The following CNGB1 variants were observed in gnomAD, a reference collection of about 807,000 sequenced individuals.
CNGB1 encodes the protein cyclic nucleotide gated channel subunit beta 1.
Under a neutral mutation model 151.7 loss-of-function variants are expected in CNGB1, and 126 were observed. The observed-to-expected ratio is 0.83, with a 90% CI of 0.72 to 0.96. The LOEUF is 0.96. Ranked by LOEUF, CNGB1 falls within the 40% of genes least tolerant of loss-of-function variation. CNGB1 has a pLI of 0.00. For missense variants in CNGB1, 1,698 were observed against 1,627.0 expected, an observed-to-expected ratio of 1.04 and a Z score of -0.75; for synonymous variants, 623 against 635.1, an observed-to-expected ratio of 0.98 and a Z score of 0.29.
intron 31 of CNGB1, among the ~76,000 whole-genome samples, chr16:57,889,670 C>T (rs535575774): frequency 2.0e-5 from 3 of 152,192 alleles, no homozygotes; most frequent in Non-Finnish European, 4.4e-5. Context: ...ACAACAATCC[C>T]CATAAGTAGG....
intron 17 of CNGB1, among the ~76,000 whole-genome samples, chr16:57,925,529 T>A (rs1356135071): frequency 6.6e-6 from 1 of 152,082 alleles, no homozygotes. Context: ...GCTGTGAAGG[T>A]CAGGCTGCAA....
rs247065 is a variant in CNGB1, at chr16:57,923,234, G to T, written c.1643+39C>A. On this transcript the variant is annotated intron_variant, in intron 18 of 32. Transcript: ENST00000251102. The stretch of plus-strand genomic sequence containing the variant: ...CCCCCCCACATCCCCCACCCTCCCC[G>T]CAGTCTTTCAATTTTCTGAGACCCC... 16 of 1,258,794 alleles carry T rather than the reference G, an allele frequency of 1.3e-5. 1 individual carries two copies. In the African/African-American group the frequency reaches 2.0e-4, roughly 15 times the overall value. 78.0% of individuals were successfully genotyped at this position (1,258,794 alleles called of 1,614,324 possible).
intron 17 of CNGB1, among the ~76,000 whole-genome samples, chr16:57,931,218 G>C (rs1459645884): frequency 1.3e-5 from 2 of 151,566 alleles, no homozygotes; most frequent in African/African-American, 4.9e-5. Flanking sequence ...CAGTGCAATG[G>C]CACAATCTCA....
At chr16:57,925,038 TGTCACCCA>T (rs1961146771) in intron 17 of CNGB1, among the ~76,000 whole-genome samples, 2 of 152,240 alleles carry the variant, frequency 1.3e-5, no homozygotes, top group Admixed American at 6.5e-5. Flanking sequence ...AGTCTTGCTC[TGTCACCCA>T]GGCTGGAGTG....
chr16:57,907,575 C>A (rs1171848029), intron 25 of CNGB1, among the ~76,000 whole-genome samples: 1 of 152,196 alleles, frequency 6.6e-6, no homozygotes, highest in Non-Finnish European at 1.5e-5. Flanking sequence ...ATGTAAGTTA[C>A]CCACATTGTG....
chr16:57,915,909 A>AG lies in CNGB1; in HGVS notation c.2217+219_2217+220insC, dbSNP rs796298033. 4.0e-3 allele frequency among the ~76,000 whole-genome samples: 599 copies of AG among 151,398 alleles called. 5 individuals carry two copies. Among genetic ancestry groups the AG allele is most frequent in the African/African-American group, 0.013 (531 of 41,218 alleles). On this transcript the variant is annotated intron_variant, in intron 22 of 32. Coordinates refer to ENST00000251102, the MANE Select transcript of CNGB1 (RefSeq NM_001297.5). Reference sequence around the variant, plus strand: ...TTAGACCCTGTCTCAAAAAAAAAAAAAAAAGAAAAGAAAAGAAAAAGAAGA... The same window carrying AG: ...TTAGACCCTGTCTCAAAAAAAAAAAAGAAAAGAAAAGAAAAGAAAAAGAAGA...
intron 25 of CNGB1, among the ~76,000 whole-genome samples, chr16:57,905,829 C>T (rs3784893): frequency 0.16 from 24,427 of 152,306 alleles, 2,251 homozygotes; most frequent in Non-Finnish European, 0.2. Flanking sequence ...GAGCAGCCCT[C>T]ACCAGATGCC....
Position 57,916,064 on chromosome 16 carries a change from G to T in CNGB1, c.2217+65C>A, listed in dbSNP as rs373642257. The stretch of plus-strand genomic sequence containing the variant: ...ATCTCATGAACGCCCCAGGCACCCA[G>T]GGCCCTCTGAGGCACCCCCTTCTGA... On this transcript the variant is annotated intron_variant, in intron 22 of 32. Transcript: ENST00000251102. 7.6e-5 allele frequency: 113 copies of T among 1,494,492 alleles called. 1 individual carries two copies. The African/African-American group carries it at 9.4e-4, about 12-fold the overall frequency. The allele number at this position is 1,494,492 out of a possible 1,614,324, so 92.6% of individuals were successfully genotyped here.
intron 24 of CNGB1, 122 bp downstream of exon 24, chr16:57,912,808 G>T: frequency 1.0e-6 from 1 of 964,880 alleles, no homozygotes; most frequent in Non-Finnish European, 1.6e-6. Context: ...TGTTGTGTGT[G>T]TGTTGTGTGT....
rs753167869 is a variant in CNGB1, at chr16:57,919,252, G to A, written c.1804C>T (p.Pro602Ser). 1.2e-6 allele frequency: 2 copies of A among 1,614,168 alleles called. No individual in the cohort carries two copies. The highest frequency in any genetic ancestry group is 4.5e-5 in the East Asian group (2 of 44,892). Residue 602 changes from proline to serine, a missense_variant and splice_region_variant, in exon 20 of 33, where the codon CCA becomes TCA. Pro to Ser is a moderately conservative substitution (Grantham distance 74). Coordinates refer to ENST00000251102, the MANE Select transcript of CNGB1 (RefSeq NM_001297.5). ...GCTGGCTCTGGGGCTTTCTTGGCTG[G>A]GGCTGTGGGATGACATTGGTGACCA... ...TSDEESPKPS[P>S]AKKAPEPAPD...
At chr16:57,957,185 G>T (rs1254978297) in intron 12 of CNGB1, among the ~76,000 whole-genome samples, 156 bp downstream of exon 12, 1 of 150,508 alleles carries the variant, frequency 6.6e-6, no homozygotes, top group African/African-American at 2.5e-5. Context: ...CAGAGCATGG[G>T]GCTCTCTCAG....
rs567260175 is a variant in CNGB1, at chr16:57,967,113, C to T, written c.159+15G>A. ...AGCGAGGCCGGCCTGCCCCTCCTCCCGCTCTACCTCTCACCATGGACTCGG... is the reference window on the plus strand; with the variant it reads ...AGCGAGGCCGGCCTGCCCCTCCTCCTGCTCTACCTCTCACCATGGACTCGG... On this transcript the variant is annotated intron_variant, in intron 2 of 32. Transcript: ENST00000251102. 11 of 1,614,070 alleles carry T rather than the reference C, an allele frequency of 6.8e-6. No homozygotes were observed. Among genetic ancestry groups the T allele is most frequent in the East Asian group, 2.2e-5 (1 of 44,876 alleles).
Position 57,884,414 on chromosome 16 carries a change from G to A in CNGB1, c.3506C>T (p.Ala1169Val), listed in dbSNP as rs770227227. Residue 1169 changes from alanine to valine, a missense_variant, in exon 33 of 33, where the codon GCC becomes GTC. By Grantham distance (64) the Ala-to-Val change is moderately conservative. Coordinates refer to ENST00000251102, the MANE Select transcript of CNGB1 (RefSeq NM_001297.5). ...CTTTGGGTGCGTGTGCTGGTCTGGG[G>A]CGGCGGAGCCTTCCTCTCCCTTGAC... is the stretch of plus-strand genomic sequence containing the variant. ...QDVKGEEGSA[A>V]PDQHTHPKEA... 11 of 1,613,544 alleles carry A rather than the reference G, an allele frequency of 6.8e-6. No individual in the cohort carries two copies. The African/African-American group carries it at 1.3e-4, about 20-fold the overall frequency.
At position 57,919,236 on chromosome 16, in the gene CNGB1, G is replaced by A. The variant is rs760888982; in HGVS notation, c.1820C>T (p.Pro607Leu). The A allele has an allele frequency of 2.8e-5, 46 of 1,614,076 alleles. No homozygotes were observed. In the Admixed American group the frequency reaches 7.3e-4, roughly 26 times the overall value. Reference sequence around the variant, plus strand: ...GGGCTTTGTGTCTGGAGCTGGCTCTGGGGCTTTCTTGGCTGGGGCTGTGGG... The same window carrying A: ...GGGCTTTGTGTCTGGAGCTGGCTCTAGGGCTTTCTTGGCTGGGGCTGTGGG... ...SPKPSPAKKA[P>L]EPAPDTKPAE... Residue 607 changes from proline to leucine, a missense_variant, in exon 20 of 33, where the codon CCA becomes CTA. Transcript: ENST00000251102.
intron 21 of CNGB1, 38 bp downstream of exon 21, chr16:57,917,230 G>A (rs542525167): frequency 1.0e-5 from 16 of 1,571,798 alleles, no homozygotes; most frequent in African/African-American, 9.5e-5. Context: ...TGAGCGGTCT[G>A]CCCCCGGTCA....
chr16:57,964,903 G>A (rs975602806), intron 2 of CNGB1, among the ~76,000 whole-genome samples: 4 of 152,144 alleles, frequency 2.6e-5, no homozygotes, highest in Non-Finnish European at 2.9e-5. Flanking sequence ...GAGGGGAAGA[G>A]GGAGGTGAGA....
chr16:57,923,723 A>T (rs546014113), intron 17 of CNGB1, among the ~76,000 whole-genome samples: 104 of 152,282 alleles, frequency 6.8e-4, no homozygotes, highest in Non-Finnish European at 1.2e-3. Context: ...GTAAAATGGG[A>T]TTAAATCTAC....
rs147132317 is a variant in CNGB1 at position 57,892,637 on chromosome 16, C to T, written c.3243-4563G>A. Among the ~76,000 whole-genome samples the T allele has an allele frequency of 7.5e-3, 1,120 of 150,004 alleles. 13 individuals carry two copies. Among genetic ancestry groups the T allele is most frequent in the African/African-American group, 0.027 (1,068 of 39,512 alleles). The stretch of plus-strand genomic sequence containing the variant: ...GTGTAAAACTCTCCATGGCTCCCAT[C>T]TTCCTCTGAGGTCTGACCCAATCTC... On this transcript the variant is annotated intron_variant, in intron 31 of 32. Coordinates refer to ENST00000251102, the MANE Select transcript of CNGB1 (RefSeq NM_001297.5).
intron 1 of CNGB1, among the ~76,000 whole-genome samples, chr16:57,968,555 G>A (rs1168248159): frequency 2.6e-5 from 4 of 152,246 alleles, no homozygotes; most frequent in South Asian, 2.1e-4. Context: ...GGCACATGCC[G>A]AGGGCTTAAT....
Sources: gnomAD v4.1 joint callset for allele counts (sites outside exome capture counted in the v4.1 genomes callset) on GRCh38, gnomAD v4.1.1 for gene constraint, MANE v1.5 for transcripts, NCBI Gene and HGNC (gene_info 2026-07-23, HGNC 2026-07-21) for gene names.